DNAAF11: variants seen among roughly 807,000 people sequenced by gnomAD.
The protein encoded by DNAAF11 is dynein axonemal assembly factor 11.
DNAAF11 carries 45 observed loss-of-function variants against 60.8 expected under a neutral mutation model. That is an observed-to-expected ratio of 0.74 (90% confidence interval 0.58 to 0.95). The LOEUF is 0.95. Among genes scored for constraint, DNAAF11 ranks in the 40% least tolerant of loss-of-function variants. The probability of loss-of-function intolerance (pLI) is 0.00; values close to 1 mark genes in which losing one functional copy is unlikely to be tolerated. For missense variants in DNAAF11, 546 were observed against 546.2 expected (o/e 1.00, Z 0.00); for synonymous variants, 191 against 183.5 (o/e 1.04, Z -0.33).
chr8:132,592,497 G>A (rs1452164186), intron 10 of DNAAF11, among the ~76,000 whole-genome samples: 1 of 152,170 alleles, frequency 6.6e-6, no homozygotes, highest in African/African-American at 2.4e-5. Context: ...AGTAGGAGCT[G>A]AGGTTGTGGA....
upstream of DNAAF11, among the ~76,000 whole-genome samples, chr8:132,680,109 C>A (rs1825843498): frequency 6.6e-6 from 1 of 152,178 alleles, no homozygotes; most frequent in Non-Finnish European, 1.5e-5. Flanking sequence ...GACATGTGTA[C>A]AATGTGCTGT....
chr8:132,595,860 G>C (rs892961924), intron 10 of DNAAF11, among the ~76,000 whole-genome samples: 2 of 152,344 alleles, frequency 1.3e-5, no homozygotes, highest in Middle Eastern at 3.4e-3. Flanking sequence ...CCGTGAGAAG[G>C]CTGTCCAAGG....
chr8:132,622,032 T>C (rs1819814565), intron 7 of DNAAF11, among the ~76,000 whole-genome samples: 1 of 152,196 alleles, frequency 6.6e-6, no homozygotes, highest in African/African-American at 2.4e-5. Context: ...CTGGTCTGTA[T>C]TTTAGCTACA....
chr8:132,655,937 A>G (rs1325827938), intron 3 of DNAAF11, among the ~76,000 whole-genome samples: 1 of 152,226 alleles, frequency 6.6e-6, no homozygotes, highest in Admixed American at 6.5e-5. Context: ...AATATTTTGC[A>G]GAACAACTTG....
chr8:132,685,548 C>G, the DNAAF11 span, among the ~76,000 whole-genome samples: 1 of 152,190 alleles, frequency 6.6e-6, no homozygotes, highest in Non-Finnish European at 1.5e-5. Flanking sequence ...TATCAGTCAA[C>G]CCTTCTCACG....
intron 11 of DNAAF11, among the ~76,000 whole-genome samples, chr8:132,575,285 C>T (rs549069629): frequency 1.3e-5 from 2 of 152,290 alleles, no homozygotes; most frequent in South Asian, 4.1e-4. Flanking sequence ...CAAATGAGTT[C>T]ATCCATGTAA....
chr8:132,673,111 G>A (rs901115060), intron 1 of DNAAF11, among the ~76,000 whole-genome samples: 2 of 152,168 alleles, frequency 1.3e-5, no homozygotes, highest in Non-Finnish European at 2.9e-5. Context: ...CAGCAAAAGA[G>A]GACCACTTTC....
upstream of DNAAF11, among the ~76,000 whole-genome samples, chr8:132,676,733 TAAAG>T (rs1396350910): frequency 6.6e-6 from 1 of 151,724 alleles, no homozygotes; most frequent in Non-Finnish European, 1.5e-5. Context: ...AGTTTGGCAA[TAAAG>T]AGAGCTAGAT....
chr8:132,645,757 T>C (rs530743716), intron 3 of DNAAF11, among the ~76,000 whole-genome samples: 33 of 151,824 alleles, frequency 2.2e-4, no homozygotes, highest in African/African-American at 7.5e-4. Flanking sequence ...ATCAAATGAA[T>C]GAAATGAAGC....
intron 1 of DNAAF11, among the ~76,000 whole-genome samples, chr8:132,665,909 T>C (rs1307958033): frequency 2.8e-5 from 4 of 145,382 alleles, no homozygotes; most frequent in Non-Finnish European, 6.0e-5. Flanking sequence ...TGGAATACTA[T>C]GCAGCCATAA....
At chr8:132,616,760 G>C (rs1467725632) in intron 7 of DNAAF11, among the ~76,000 whole-genome samples, 2 of 152,184 alleles carry the variant, frequency 1.3e-5, no homozygotes, top group Non-Finnish European at 2.9e-5. Context: ...CCAGCACTCA[G>C]GCAAAAGTTT....
intron 1 of DNAAF11, 58 bp from the exon 2 acceptor site, chr8:132,661,685 T>C (rs1563705742): frequency 1.9e-6 from 3 of 1,544,512 alleles, no homozygotes; most frequent in South Asian, 2.2e-5. Context: ...TATAAGATTA[T>C]TGTGTTGTTA....
intron 3 of DNAAF11, among the ~76,000 whole-genome samples, chr8:132,645,026 T>A (rs1378873803): frequency 1.3e-5 from 2 of 152,136 alleles, no homozygotes; most frequent in African/African-American, 4.8e-5. Flanking sequence ...GAATGGACAA[T>A]CTGCCTCCTC....
chr8:132,680,812 A>G, the DNAAF11 span, among the ~76,000 whole-genome samples: 1 of 148,500 alleles, frequency 6.7e-6, no homozygotes, highest in Non-Finnish European at 1.5e-5. Flanking sequence ...GCATGTATTT[A>G]TTGAGTACCT....
chr8:132,622,766 T>C (rs1454446943), intron 6 of DNAAF11, 78 bp from the exon 7 acceptor site: 3 of 998,118 alleles, frequency 3.0e-6, no homozygotes, highest in Admixed American at 2.1e-5. Context: ...AAGCAATTAA[T>C]ACATTTTTGT....
intron 7 of DNAAF11, among the ~76,000 whole-genome samples, chr8:132,617,733 T>G (rs1368576363): frequency 6.6e-6 from 1 of 151,882 alleles, no homozygotes; most frequent in Non-Finnish European, 1.5e-5. Flanking sequence ...GGAATCCAAC[T>G]TACAAGGGAT....
Position 132,641,042 on chromosome 8 carries a change from C to T in DNAAF11, c.257-2935G>A, listed in dbSNP as rs113363979. Among the ~76,000 whole-genome samples the T allele has an allele frequency of 3.7e-3, 557 of 151,986 alleles. 3 individuals carry two copies. Among genetic ancestry groups the T allele is most frequent in the African/African-American group, 0.013 (524 of 41,496 alleles). The stretch of plus-strand genomic sequence containing the variant: ...TGAGTTCATGCCAATATAAGAAATA[C>T]AAATAAATTGGGGGAGAAGGCAAAG... On this transcript the variant is annotated intron_variant, in intron 3 of 11. Coordinates refer to ENST00000620350, the MANE Select transcript of DNAAF11 (RefSeq NM_012472.6).
At chr8:132,572,960 AGT>A (rs1285892546) in intron 11 of DNAAF11, among the ~76,000 whole-genome samples, 1 of 152,154 alleles carries the variant, frequency 6.6e-6, no homozygotes, top group Non-Finnish European at 1.5e-5. Context: ...TGCATAGTAA[AGT>A]GTAGCCCCAC....
chr8:132,622,206 T>A (rs1190378035), intron 7 of DNAAF11, among the ~76,000 whole-genome samples: 2 of 152,208 alleles, frequency 1.3e-5, no homozygotes, highest in Non-Finnish European at 2.9e-5. Flanking sequence ...CAGTGCTTTG[T>A]AGATGTGCTC....
Sources: allele counts gnomAD v4.1 joint callset (sites outside exome capture counted in the v4.1 genomes callset), GRCh38; gene constraint gnomAD v4.1.1; transcripts MANE v1.5; gene names NCBI Gene and HGNC (gene_info 2026-07-23, HGNC 2026-07-21).